HYDIN: variants seen among roughly 807,000 people sequenced by gnomAD.
The protein encoded by HYDIN is HYDIN axonemal central pair apparatus protein.
HYDIN carries 132 observed loss-of-function variants against 403.9 expected under a neutral mutation model. The ratio of observed to expected loss-of-function variants is 0.33; its 90% CI spans 0.28 to 0.38. The LOEUF (loss-of-function observed/expected upper bound fraction) is 0.38, where lower values mean the gene tolerates loss of function less well. HYDIN is among the 10% of genes least tolerant of loss of function. HYDIN has a pLI of 1.00. For missense variants in HYDIN, 2,827 were observed against 5,009.5 expected (o/e 0.56, Z 13.15); for synonymous variants, 1,202 against 1,891.7 (o/e 0.64, Z 9.46).
intron 1 of HYDIN, among the ~76,000 whole-genome samples, chr16:71,205,863 C>G (rs1026988925): frequency 2.0e-5 from 3 of 152,178 alleles, no homozygotes; most frequent in East Asian, 1.9e-4. Context: ...AGCCCAGCAG[C>G]CTTGCTTCTG....
chr16:71,213,831 T>C (rs1490779923), intron 1 of HYDIN, among the ~76,000 whole-genome samples: 1 of 152,100 alleles, frequency 6.6e-6, no homozygotes, highest in Non-Finnish European at 1.5e-5. Context: ...GCAGGCATAA[T>C]GCTTAATCAA....
intron 18 of HYDIN, among the ~76,000 whole-genome samples, chr16:71,032,307 G>GTTTT (rs11406376): frequency 6.3e-5 from 8 of 126,344 alleles, no homozygotes; most frequent in South Asian, 5.1e-4. Context: ...TTTCCTTTTT[G>GTTTT]TTTTTTTTTT....
rs75199504 is a variant in HYDIN, at chr16:70,863,177, T to C, written c.11477A>G (p.Asp3826Gly). The change falls in exon 68 of 86, where the codon GAT (aspartate) becomes GGT (glycine). Residue 3826 changes from aspartate to glycine, a missense_variant. Transcript: ENST00000393567. ...LVYQTRVFEFDVINSGRVQLE... is the reference protein window; with the variant it reads ...LVYQTRVFEFGVINSGRVQLE... Reference sequence around the variant, plus strand: ...CTGGACACGTCCTGAATTAATCACATCGAACCTGCAAATCGATCAGGGAGC... The same window carrying C: ...CTGGACACGTCCTGAATTAATCACACCGAACCTGCAAATCGATCAGGGAGC... 1.7e-5 allele frequency: 27 copies of C among 1,613,178 alleles called. No homozygotes were observed. The East Asian group carries it at 2.9e-4, about 17-fold the overall frequency.
At chr16:71,183,147 G>A (rs1403509483) in intron 3 of HYDIN, among the ~76,000 whole-genome samples, 1 of 152,136 alleles carries the variant, frequency 6.6e-6, no homozygotes, top group Admixed American at 6.6e-5. Flanking sequence ...GAATGGTGGT[G>A]GAGGAAGTGG....
intron 23 of HYDIN, among the ~76,000 whole-genome samples, chr16:70,993,444 A>G (rs1207439479): frequency 6.6e-6 from 1 of 152,020 alleles, no homozygotes. Context: ...GGAAACATGT[A>G]CAAATTTGTG....
At position 71,179,037 on chromosome 16, in the gene HYDIN, A is replaced by G; in HGVS notation, c.272T>C (p.Ile91Thr). 1 of 1,608,402 alleles carries G rather than the reference A, an allele frequency of 6.2e-7. No individual in the cohort carries two copies. Among genetic ancestry groups the G allele is most frequent in the South Asian group, 1.1e-5 (1 of 89,862 alleles). Residue 91 changes from isoleucine (I) to threonine (T), a missense_variant, in exon 4 of 86, where the codon ATT becomes ACT. Physicochemically the swap from Ile to Thr is moderately conservative, Grantham distance 89. Coordinates refer to ENST00000393567, the MANE Select transcript of HYDIN (RefSeq NM_001270974.2). ...CTGGAATAATGCCTGATCCAGGTCA[A>G]TTCCTGAAAACTTCAGTTGAAAGAG... ...GETTHQKFSGIDLDQALFQPF... is the reference protein window; with the variant it reads ...GETTHQKFSGTDLDQALFQPF...
chr16:71,175,497 C>T, intron 5 of HYDIN, 110 bp downstream of exon 5: 1 of 504,614 alleles, frequency 2.0e-6, no homozygotes, highest in Non-Finnish European at 3.2e-6. Flanking sequence ...ACCATCAATA[C>T]CACCACCACC....
rs989342797 is a variant in HYDIN, at chr16:70,850,429, G to A, written c.12651+19C>T. 8.6e-7 allele frequency: 1 copy of A among 1,158,234 alleles called. No homozygotes were observed. Among genetic ancestry groups the A allele is most frequent in the Non-Finnish European group, 1.2e-6 (1 of 809,178 alleles). The allele number at this position is 1,158,234 out of a possible 1,614,324, so 71.7% of individuals were successfully genotyped here. A position where few individuals can be genotyped will look rare whatever the true frequency, so the allele number is the denominator to read the frequency against. On this transcript the variant is annotated intron_variant, in intron 74 of 85. Transcript: ENST00000393567. ...GAATGGAAGCTGAGATAGATAGCAA[G>A]GTCTTCTTACACCTTTACCTCATAG...
chr16:70,921,471 T>A (rs2076993896), intron 45 of HYDIN, among the ~76,000 whole-genome samples: 1 of 151,988 alleles, frequency 6.6e-6, no homozygotes, highest in Non-Finnish European at 1.5e-5. Context: ...AGGTGCAGAG[T>A]GACTTTGATG....
chr16:70,945,709 A>G (rs2077835851), intron 41 of HYDIN, among the ~76,000 whole-genome samples: 1 of 152,186 alleles, frequency 6.6e-6, no homozygotes, highest in South Asian at 2.1e-4. Context: ...GGTGTCTGAA[A>G]GCCACACGAA....
At chr16:71,118,773 A>C (rs2084147599) in intron 9 of HYDIN, among the ~76,000 whole-genome samples, 1 of 152,084 alleles carries the variant, frequency 6.6e-6, no homozygotes, top group Admixed American at 6.5e-5. Context: ...AGAAACACTC[A>C]TGGCTAGACT....
intron 84 of HYDIN, 105 bp from the exon 85 acceptor site, chr16:70,810,112 G>A: frequency 9.8e-7 from 1 of 1,015,718 alleles, no homozygotes; most frequent in Non-Finnish European, 1.5e-6. Context: ...CAGAAATAGT[G>A]CACATGATCA....
intron 1 of HYDIN, chr16:71,203,591 C>T (rs1411506888): frequency 7.7e-6 from 3 of 387,530 alleles, no homozygotes; most frequent in Non-Finnish European, 1.5e-5. Context: ...GTGAAGTATG[C>T]TTTACAATGC....
At chr16:70,819,639 G>A (rs950063516) in intron 83 of HYDIN, among the ~76,000 whole-genome samples, 4 of 146,866 alleles carry the variant, frequency 2.7e-5, no homozygotes, top group Admixed American at 6.8e-5. Context: ...GCATCTTCTC[G>A]TGTTTTTATT....
intron 10 of HYDIN, among the ~76,000 whole-genome samples, chr16:71,105,209 G>T (rs1263534749): frequency 6.6e-6 from 1 of 151,962 alleles, no homozygotes; most frequent in Non-Finnish European, 1.5e-5. Flanking sequence ...GAAAGAATTA[G>T]TCAACTAGAA....
In HYDIN at chr16:70,862,190, T is replaced by C. The variant is rs766909083; in HGVS notation, c.11635A>G (p.Met3879Val). ...MHTGSTLDST[M>V]DHWAEGSPQP... is the part of the protein sequence containing the mutation. Reference sequence around the variant, plus strand: ...GGGGAACCCTCGGCCCAGTGGTCCATGGTGCTGTCCAGGGTGCTGCCTGTA... The same window carrying C: ...GGGGAACCCTCGGCCCAGTGGTCCACGGTGCTGTCCAGGGTGCTGCCTGTA... Residue 3879 changes from methionine (M) to valine (V), a missense_variant, in exon 69 of 86, where the codon ATG (methionine) becomes GTG (valine). Coordinates refer to ENST00000393567, the MANE Select transcript of HYDIN (RefSeq NM_001270974.2). The C allele has an allele frequency of 6.8e-6, 11 of 1,613,582 alleles. No homozygotes were observed. The highest frequency in any genetic ancestry group is 6.7e-5 in the Admixed American group (4 of 59,962).
chr16:70,955,131 C>T (rs113653675), intron 40 of HYDIN, among the ~76,000 whole-genome samples: 4 of 152,194 alleles, frequency 2.6e-5, no homozygotes, highest in African/African-American at 9.6e-5. Context: ...AAGGTGTGGG[C>T]TGTGTCTTAT....
intron 7 of HYDIN, among the ~76,000 whole-genome samples, chr16:71,145,208 T>C (rs1357603639): frequency 6.6e-6 from 1 of 151,564 alleles, no homozygotes; most frequent in Admixed American, 6.6e-5. Context: ...TCACCAAAGG[T>C]AACATCAGAA....
intron 5 of HYDIN, among the ~76,000 whole-genome samples, chr16:71,174,739 C>T (rs2086598973): frequency 6.6e-6 from 1 of 152,170 alleles, no homozygotes; most frequent in Non-Finnish European, 1.5e-5. Context: ...TTCCCCTCCC[C>T]ACCACTGCAG....
Sources: gnomAD v4.1 joint callset for allele counts (sites outside exome capture counted in the v4.1 genomes callset) on GRCh38, gnomAD v4.1.1 for gene constraint, MANE v1.5 for transcripts, NCBI Gene and HGNC (gene_info 2026-07-23, HGNC 2026-07-21) for gene names.